The following PDGFRL variants were observed in gnomAD, a reference collection of about 807,000 sequenced individuals.
PDGFRL encodes the protein platelet-derived growth factor receptor-like protein.
Under a neutral mutation model 37.2 loss-of-function variants are expected in PDGFRL, and 46 were observed. The observed-to-expected ratio is 1.24, with a 90% CI of 0.98 to 1.58. PDGFRL has a LOEUF of 1.58. PDGFRL is among the 40% of genes most tolerant of loss of function. The pLI, the probability that PDGFRL is intolerant of heterozygous loss-of-function variation, is 0.00. For missense variants in PDGFRL, 692 were observed against 467.6 expected (o/e 1.48, Z -4.43); for synonymous variants, 251 against 184.3 (o/e 1.36, Z -2.93).
At position 17,628,818 on chromosome 8, in the gene PDGFRL, C is replaced by G. The variant is rs1205562367; in HGVS notation, c.799+38C>G. ...ACCCCTGCCTAGATTCTAGTTAGTC[C>G]CCTGGTCAGTTTCAGGTACTGCTGT... is the stretch of plus-strand genomic sequence containing the variant. On this transcript the variant is annotated intron_variant, in intron 4 of 5. Transcript: ENST00000251630. The G allele has an allele frequency of 2.7e-6, 4 of 1,478,336 alleles. No homozygotes were observed. The African/African-American group carries it at 4.1e-5, about 15-fold the overall frequency. 91.6% of individuals were successfully genotyped at this position (1,478,336 alleles called of 1,614,324 possible).
At chr8:17,600,477 C>T (rs1293275870) in intron 2 of PDGFRL, among the ~76,000 whole-genome samples, 4 of 152,036 alleles carry the variant, frequency 2.6e-5, no homozygotes, top group African/African-American at 7.2e-5. Flanking sequence ...CCAGACTGAG[C>T]TACCTAGCTG....
chr8:17,620,634 G>A (rs556636550), intron 2 of PDGFRL, among the ~76,000 whole-genome samples: 3 of 152,078 alleles, frequency 2.0e-5, no homozygotes, highest in South Asian at 4.1e-4. Flanking sequence ...GCATTTTCAC[G>A]ATTAACATTT....
intron 2 of PDGFRL, among the ~76,000 whole-genome samples, chr8:17,593,180 A>G (rs1371443287): frequency 6.6e-6 from 1 of 152,152 alleles, no homozygotes; most frequent in South Asian, 2.1e-4. Context: ...TTCCCTTTCC[A>G]CACTTGAAGT....
intron 2 of PDGFRL, chr8:17,596,342 G>A (rs1240567660): frequency 3.2e-6 from 4 of 1,239,212 alleles, no homozygotes; most frequent in African/African-American, 1.5e-5. Context: ...AACTCCGTGG[G>A]AAGAAGCCAA....
chr8:17,639,315 C>T (rs4921792), intron 5 of PDGFRL, among the ~76,000 whole-genome samples: 122,304 of 152,084 alleles, frequency 0.8, 50,529 homozygotes, highest in Non-Finnish European at 0.91. Flanking sequence ...ATTTGTTGCC[C>T]GAATACCTTG....
At chr8:17,592,230 G>A (rs1803955398) in intron 2 of PDGFRL, among the ~76,000 whole-genome samples, 1 of 152,180 alleles carries the variant, frequency 6.6e-6, no homozygotes, top group East Asian at 1.9e-4. Flanking sequence ...AACCACCATT[G>A]CTTTTGCGCC....
Position 17,643,087 on chromosome 8 carries a change from A to T in PDGFRL, c.*286A>T, listed in dbSNP as rs2129883780. On this transcript the variant is annotated 3_prime_UTR_variant, in exon 6 of 6. Coordinates refer to ENST00000251630, the MANE Select transcript of PDGFRL (RefSeq NM_001372073.1). Reference sequence around the variant, plus strand: ...CAATTTTATATAATCAATCATTTCTATTAAATGAGCACGTTTTTGTAAAAA... The same window carrying T: ...CAATTTTATATAATCAATCATTTCTTTTAAATGAGCACGTTTTTGTAAAAA... 1 of 306,168 alleles carries T rather than the reference A, an allele frequency of 3.3e-6. No homozygotes were observed. The highest frequency in any genetic ancestry group is 6.2e-5 in the East Asian group (1 of 16,008). 19.0% of individuals were successfully genotyped at this position (306,168 alleles called of 1,614,324 possible).
chr8:17,588,123 T>A (rs1803855571), intron 1 of PDGFRL, among the ~76,000 whole-genome samples: 1 of 147,198 alleles, frequency 6.8e-6, no homozygotes, highest in Non-Finnish European at 1.5e-5. Flanking sequence ...GTCAGTTAGC[T>A]TTTTATTATC....
rs537197290 is a variant in PDGFRL at position 17,609,598 on chromosome 8, A to G, written c.354-11453A>G. Among the ~76,000 whole-genome samples the G allele has an allele frequency of 2.2e-4, 28 of 127,952 alleles. No homozygotes were observed. The East Asian group carries it at 6.3e-3, about 29-fold the overall frequency. The allele number at this position is 127,952 out of a possible 152,430, so 83.9% of individuals were successfully genotyped here. ...GGTTGCAGTGAGCTGAGATCACGCCACTGCACTCCAGCCTGGGTGACAGAG... is the reference window on the plus strand; with the variant it reads ...GGTTGCAGTGAGCTGAGATCACGCCGCTGCACTCCAGCCTGGGTGACAGAG... On this transcript the variant is annotated intron_variant, in intron 2 of 5. Transcript: ENST00000251630.
At chr8:17,627,989 C>CTTTTTTTTTTTTTTT (rs35707610) in intron 3 of PDGFRL, among the ~76,000 whole-genome samples, 67 of 89,246 alleles carry the variant, frequency 7.5e-4, no homozygotes, top group Non-Finnish European at 1.1e-3. Flanking sequence ...TTCTTTCTTT[C>CTTTTTTTTTTTTTTT]TTTTTTTTTT....
chr8:17,628,926 T>C, intron 4 of PDGFRL, 146 bp downstream of exon 4: 1 of 629,850 alleles, frequency 1.6e-6, no homozygotes, highest in South Asian at 2.0e-5. Context: ...TTTTTTTCTC[T>C]TTTTTCTTGA....
chr8:17,614,648 A>G (rs1372127949), intron 2 of PDGFRL, among the ~76,000 whole-genome samples: 3 of 152,276 alleles, frequency 2.0e-5, no homozygotes, highest in African/African-American at 7.2e-5. Context: ...GCACAATCCT[A>G]GGTCACTGCA....
intron 3 of PDGFRL, among the ~76,000 whole-genome samples, chr8:17,621,717 T>C (rs1303341068): frequency 6.6e-6 from 1 of 152,226 alleles, no homozygotes; most frequent in Non-Finnish European, 1.5e-5. Context: ...CAGAAAGTTC[T>C]ATTGGACAGT....
At chr8:17,601,382 A>G (rs1804162420) in intron 2 of PDGFRL, among the ~76,000 whole-genome samples, 1 of 151,860 alleles carries the variant, frequency 6.6e-6, no homozygotes. Flanking sequence ...GTGACCTGAG[A>G]CTCTGGGAGC....
chr8:17,616,275 A>C (rs113592999), intron 2 of PDGFRL, among the ~76,000 whole-genome samples: 1,782 of 151,672 alleles, frequency 0.012, 31 homozygotes, highest in African/African-American at 0.041. Flanking sequence ...GCTCACTGCA[A>C]CCTCCGCCTC....
rs1307869840 is a variant in PDGFRL, at chr8:17,628,616, C to G, written c.635C>G (p.Pro212Arg). ...SAKVTLHREF[P>R]AKEIPANGTD... ...AAAGTCACGCTCCACAGGGAATTCC[C>G]AGCCAAGGAGATCCCAGCCAATGGA... The change falls in exon 4 of 6, where the codon CCA becomes CGA. Residue 212 changes from proline (P) to arginine (R), a missense_variant. Transcript: ENST00000251630. 3.1e-6 allele frequency: 5 copies of G among 1,614,080 alleles called. No individual in the cohort carries two copies. The highest frequency in any genetic ancestry group is 4.2e-6 in the Non-Finnish European group (5 of 1,180,028).
At chr8:17,585,512 G>C (rs1803796985) in intron 1 of PDGFRL, among the ~76,000 whole-genome samples, 2 of 152,152 alleles carry the variant, frequency 1.3e-5, no homozygotes, top group Admixed American at 1.3e-4. Flanking sequence ...TCTTGGAAAA[G>C]TGTGTGTGTT....
At position 17,626,151 on chromosome 8, in the gene PDGFRL, T is replaced by C. The variant is rs145073325; in HGVS notation, c.506-2336T>C. ...CAATCATAAAATCCTAAAGTGTTGT[T>C]GCTAAGAAAACATCTTCAATATTAT... On this transcript the variant is annotated intron_variant, in intron 3 of 5. Coordinates refer to ENST00000251630, the MANE Select transcript of PDGFRL (RefSeq NM_001372073.1). 2.4e-3 allele frequency among the ~76,000 whole-genome samples: 372 copies of C among 152,340 alleles called. 3 individuals are homozygous for C. Among genetic ancestry groups the C allele is most frequent in the African/African-American group, 8.2e-3 (339 of 41,574 alleles).
At chr8:17,591,717 T>G (rs1370324871) in intron 2 of PDGFRL, among the ~76,000 whole-genome samples, 1 of 152,080 alleles carries the variant, frequency 6.6e-6, no homozygotes. Flanking sequence ...AAGAGATTGA[T>G]ACCATCCTAG....
Sources: gnomAD v4.1 joint callset for allele counts (sites outside exome capture counted in the v4.1 genomes callset) on GRCh38, gnomAD v4.1.1 for gene constraint, MANE v1.5 for transcripts, NCBI Gene and HGNC (gene_info 2026-07-23, HGNC 2026-07-21) for gene names.